LMBRD1: variants seen among roughly 807,000 people sequenced by gnomAD.
The protein encoded by LMBRD1 is LMBR1 domain containing 1, also known as lysosomal cobalamin transport escort protein LMBD1.
In LMBRD1, 64 loss-of-function variants were observed where a neutral mutation model predicts 74.8. The ratio of observed to expected loss-of-function variants is 0.86; its 90% CI spans 0.70 to 1.05. LMBRD1 has a LOEUF of 1.05. Among genes scored for constraint, LMBRD1 ranks in the 50% least tolerant of loss-of-function variants. The pLI, the probability that LMBRD1 is intolerant of heterozygous loss-of-function variation, is 0.00. For synonymous variants in LMBRD1, 204 were observed against 216.3 expected (o/e 0.94, Z 0.50); for missense variants, 652 against 645.9 (o/e 1.01, Z -0.10).
At chr6:69,731,277 A>G (rs73485549) in intron 7 of LMBRD1, among the ~76,000 whole-genome samples, 14,770 of 152,070 alleles carry the variant, frequency 0.097, 1,907 homozygotes, top group African/African-American at 0.3. Flanking sequence ...GTCAACAATA[A>G]TCTATTGTAT....
intron 5 of LMBRD1, among the ~76,000 whole-genome samples, chr6:69,742,866 C>T (rs1383216708): frequency 6.6e-6 from 1 of 151,956 alleles, no homozygotes; most frequent in Non-Finnish European, 1.5e-5. Flanking sequence ...AATGACTGGG[C>T]ACAGCATGTC....
At chr6:69,736,138 A>G (rs952498988) in intron 7 of LMBRD1, among the ~76,000 whole-genome samples, 1 of 152,158 alleles carries the variant, frequency 6.6e-6, no homozygotes, top group African/African-American at 2.4e-5. Context: ...ACTGGGAGAC[A>G]CATCTCCACG....
In LMBRD1 at chr6:69,674,207, G is replaced by A. The variant is rs1765500800; in HGVS notation, c.*1951C>T. 6.6e-6 allele frequency among the ~76,000 whole-genome samples: 1 copy of A among 152,052 alleles called. No homozygotes were observed. The highest frequency in any genetic ancestry group is 2.4e-5 in the African/African-American group (1 of 41,416). On this transcript the variant is annotated 3_prime_UTR_variant, in exon 16 of 16. Transcript: ENST00000649934. ...TCTCCCCCTTCTTATAAGAACACCA[G>A]TCATATTGGATTTGGGCTTCACGCA... is the stretch of plus-strand genomic sequence containing the variant.
rs1360468397 is a variant in LMBRD1 at position 69,705,936 on chromosome 6, T to C, written c.916-3983A>G. On this transcript the variant is annotated intron_variant, in intron 9 of 15. Transcript: ENST00000649934. ...GTACAGACATTTTCAAAGTTGCCAG[T>C]GTTACTTTAATTGGACTGCCTTTGT... 3.3e-6 allele frequency: 4 copies of C among 1,195,960 alleles called. No individual in the cohort carries two copies. The African/African-American group carries it at 4.5e-5, about 13-fold the overall frequency. The allele number at this position is 1,195,960 out of a possible 1,614,324, so 74.1% of individuals were successfully genotyped here.
chr6:69,701,447 TG>T lies in LMBRD1; in HGVS notation c.1078del (p.Gln360LysfsTer11). On this transcript the variant is annotated frameshift_variant, in exon 11 of 16. Coordinates refer to ENST00000649934, the MANE Select transcript of LMBRD1 (RefSeq NM_018368.4). LOFTEE classifies it high-confidence loss of function. ...NPLNMLLPLLQTVFPLDYILI... is the reference protein window; with the variant it reads ...NPLNMLLPLLXTVFPLDYILI... ...AATGATTGATATTTTACTTACTGTT[TG>T]TAGTAAAGGCAAAAGCATATTCAGT... The T allele has an allele frequency of 6.4e-7, 1 of 1,560,334 alleles. No individual in the cohort carries two copies. The highest frequency in any genetic ancestry group is 1.4e-5 in the African/African-American group (1 of 73,810).
intron 5 of LMBRD1, among the ~76,000 whole-genome samples, chr6:69,744,808 C>T (rs1453452591): frequency 2.0e-5 from 3 of 152,100 alleles, no homozygotes; most frequent in Non-Finnish European, 2.9e-5. Flanking sequence ...ACCCAACACC[C>T]AAAATCCTCT....
intron 8 of LMBRD1, 135 bp downstream of exon 8, chr6:69,718,821 A>G: frequency 1.2e-6 from 1 of 845,800 alleles, no homozygotes; most frequent in Non-Finnish European, 1.9e-6. Context: ...ACACAGTCAA[A>G]CTGTACCAGA....
chr6:69,715,611 A>G (rs1040635911), intron 8 of LMBRD1, among the ~76,000 whole-genome samples: 2 of 152,142 alleles, frequency 1.3e-5, no homozygotes, highest in East Asian at 1.9e-4. Flanking sequence ...TCTGTCTCCA[A>G]TTACCATATT....
intron 8 of LMBRD1, among the ~76,000 whole-genome samples, chr6:69,718,617 T>C (rs1357156474): frequency 6.6e-6 from 1 of 152,140 alleles, no homozygotes; most frequent in Admixed American, 6.5e-5. Flanking sequence ...TCCTTCTTCA[T>C]GTGGCGGCAG....
At chr6:69,721,616 TTCAGGGGTGA>T (rs756743805) in intron 7 of LMBRD1, among the ~76,000 whole-genome samples, 4 of 152,150 alleles carry the variant, frequency 2.6e-5, no homozygotes, top group African/African-American at 9.7e-5. Context: ...ACATGCTGGC[TTCAGGGGTGA>T]TCCAGCACAT....
chr6:69,719,004 A>G lies in LMBRD1; in HGVS notation c.714T>C (p.Thr238=). ...RSAAYERLEN[T]EDIEEVEQHI... The stretch of plus-strand genomic sequence containing the variant: ...GTTGTTCTACTTCTTCAATGTCTTC[A>G]GTGTTTTCCAAACGTTCATAAGCAG... The change falls in exon 8 of 16, where the codon ACT becomes ACC. Residue 238 remains threonine, a synonymous_variant. Coordinates refer to ENST00000649934, the MANE Select transcript of LMBRD1 (RefSeq NM_018368.4). 1 of 1,613,348 alleles carries G rather than the reference A, an allele frequency of 6.2e-7. No individual in the cohort carries two copies. Among genetic ancestry groups the G allele is most frequent in the Non-Finnish European group, 8.5e-7 (1 of 1,179,508 alleles).
chr6:69,734,456 C>T (rs542217171), intron 7 of LMBRD1, among the ~76,000 whole-genome samples: 16 of 151,270 alleles, frequency 1.1e-4, no homozygotes, highest in Admixed American at 8.6e-4. Context: ...AGTGAAATGG[C>T]GCAATCTCGG....
intron 3 of LMBRD1, among the ~76,000 whole-genome samples, chr6:69,763,002 T>C (rs966918550): frequency 2.0e-5 from 3 of 152,152 alleles, no homozygotes; most frequent in Non-Finnish European, 4.4e-5. Flanking sequence ...AGTGGGCTGC[T>C]GTCCTAACAC....
intron 5 of LMBRD1, among the ~76,000 whole-genome samples, chr6:69,748,397 T>TA (rs950840893): frequency 3.3e-5 from 5 of 151,956 alleles, no homozygotes; most frequent in Admixed American, 2.0e-4. Context: ...GAAAAACCAC[T>TA]AAAAAAAGTG....
intron 14 of LMBRD1, among the ~76,000 whole-genome samples, chr6:69,680,629 C>T (rs1765640027): frequency 6.6e-6 from 1 of 151,964 alleles, no homozygotes; most frequent in Admixed American, 6.6e-5. Flanking sequence ...TTTTAAAATA[C>T]CATAAAAATG....
intron 9 of LMBRD1, among the ~76,000 whole-genome samples, chr6:69,712,675 G>GA (rs977873491): frequency 9.9e-5 from 15 of 151,960 alleles, no homozygotes; most frequent in African/African-American, 3.1e-4. Context: ...CCTGAAATAG[G>GA]AAAAAGTATA....
chr6:69,717,871 A>AT lies in LMBRD1; in HGVS notation c.762+1084dup, dbSNP rs929068689. On this transcript the variant is annotated intron_variant, in intron 8 of 15. Transcript: ENST00000649934. ...CCAGTACACCTAGCTAAGTTTTTGTATTTTTTTTGTAGAGATGGGGTTTTG... is the reference window on the plus strand; with the variant it reads ...CCAGTACACCTAGCTAAGTTTTTGTATTTTTTTTTGTAGAGATGGGGTTTTG... Among the ~76,000 whole-genome samples, 11 of 151,768 alleles carry AT rather than the reference A, an allele frequency of 7.2e-5. No homozygotes were observed. In the Middle Eastern group the frequency reaches 0.014, roughly 188 times the overall value.
At chr6:69,757,745 G>T (rs999288541) in intron 3 of LMBRD1, among the ~76,000 whole-genome samples, 2 of 151,974 alleles carry the variant, frequency 1.3e-5, no homozygotes, top group Non-Finnish European at 2.9e-5. Flanking sequence ...ATTTTCAAAG[G>T]CAAATTATTC....
chr6:69,757,963 A>G (rs183672797), intron 3 of LMBRD1, among the ~76,000 whole-genome samples: 1 of 152,308 alleles, frequency 6.6e-6, no homozygotes, highest in East Asian at 1.9e-4. Flanking sequence ...AACTCATGAA[A>G]CAAGTTGGTT....
Sources: gnomAD v4.1 joint callset for allele counts (sites outside exome capture counted in the v4.1 genomes callset) on GRCh38, gnomAD v4.1.1 for gene constraint, MANE v1.5 for transcripts, NCBI Gene and HGNC (gene_info 2026-07-23, HGNC 2026-07-21) for gene names.